Variants in PAX7 observed in about 807,000 individuals in gnomAD.
PAX7 encodes the protein paired box protein Pax-7.
Under a neutral mutation model 50.7 loss-of-function variants are expected in PAX7, and 18 were observed. That is an observed-to-expected ratio of 0.36 (90% CI 0.25 to 0.53). The LOEUF is 0.53. Ranked by LOEUF, PAX7 falls within the 20% of genes least tolerant of loss-of-function variation. PAX7 has a pLI of 0.93. For missense variants in PAX7, 644 were observed against 702.9 expected, an observed-to-expected ratio of 0.92 and a Z score of 0.95; for synonymous variants, 310 against 290.4, an observed-to-expected ratio of 1.07 and a Z score of -0.69.
At chr1:18,689,126 C>T (rs929945950) in intron 4 of PAX7, among the ~76,000 whole-genome samples, 3 of 152,064 alleles carry the variant, frequency 2.0e-5, no homozygotes, top group Admixed American at 2.0e-4. Context: ...GCTCAAGTGT[C>T]CTCACTGGAG....
chr1:18,716,363 A>G (rs967549246), intron 7 of PAX7, among the ~76,000 whole-genome samples: 1 of 152,022 alleles, frequency 6.6e-6, no homozygotes, highest in Non-Finnish European at 1.5e-5. Context: ...GAGGGTGGAC[A>G]GCCTCCCCCA....
At chr1:18,679,387 C>T (rs2088866381) in intron 4 of PAX7, among the ~76,000 whole-genome samples, 1 of 152,236 alleles carries the variant, frequency 6.6e-6, no homozygotes, top group African/African-American at 2.4e-5. Flanking sequence ...GGCTTGGCCT[C>T]TCAGGCATAT....
Position 18,746,255 on chromosome 1 carries a change from C to G in PAX7, c.*1326C>G, listed in dbSNP as rs1931433797. ...GGCCAAGAGGTCCCTGCCTCCTGAT[C>G]CGGCACAGCTGAGCTGAGGCAGATG... is the stretch of plus-strand genomic sequence containing the variant. On this transcript the variant is annotated 3_prime_UTR_variant, in exon 9 of 9. Transcript: ENST00000420770. The G allele has an allele frequency of 4.3e-6, 1 of 230,404 alleles. No individual in the cohort carries two copies. The highest frequency in any genetic ancestry group is 5.7e-5 in the Admixed American group (1 of 17,678). The allele number at this position is 230,404 out of a possible 1,614,324, so 14.3% of individuals were successfully genotyped here. A position where few individuals can be genotyped will look rare whatever the true frequency, so the allele number is the denominator to read the frequency against.
intron 4 of PAX7, among the ~76,000 whole-genome samples, chr1:18,673,493 A>G (rs1401076281): frequency 6.6e-6 from 1 of 152,202 alleles, no homozygotes; most frequent in East Asian, 1.9e-4. Context: ...AATGTAACTA[A>G]CCTATGGTTG....
chr1:18,665,968 G>A (rs1460111385), intron 4 of PAX7, among the ~76,000 whole-genome samples: 4 of 152,032 alleles, frequency 2.6e-5, no homozygotes, highest in South Asian at 2.1e-4. Flanking sequence ...CACCATGCCC[G>A]GCTGGGGTGG....
At chr1:18,717,635 C>T (rs1345960190) in intron 7 of PAX7, among the ~76,000 whole-genome samples, 1 of 152,144 alleles carries the variant, frequency 6.6e-6, no homozygotes, top group Non-Finnish European at 1.5e-5. Context: ...TTTTTGGATA[C>T]CGCTCTCTCC....
At chr1:18,729,849 T>TG (rs1293719118) in intron 7 of PAX7, among the ~76,000 whole-genome samples, 1 of 152,190 alleles carries the variant, frequency 6.6e-6, no homozygotes, top group Admixed American at 6.5e-5. Flanking sequence ...CCCCAGCTTC[T>TG]GCGTGGGGAC....
intron 4 of PAX7, among the ~76,000 whole-genome samples, chr1:18,666,253 T>A (rs1477954745): frequency 1.3e-5 from 2 of 152,196 alleles, no homozygotes; most frequent in Non-Finnish European, 2.9e-5. Flanking sequence ...TCATTTAATT[T>A]AGAGGGGAAA....
intron 5 of PAX7, among the ~76,000 whole-genome samples, chr1:18,698,977 T>A (rs2089182438): frequency 6.6e-6 from 1 of 152,112 alleles, no homozygotes; most frequent in Admixed American, 6.5e-5. Flanking sequence ...TCTTGGGTGA[T>A]CAGGTGCCAG....
intron 4 of PAX7, among the ~76,000 whole-genome samples, chr1:18,676,829 C>T (rs1335944708): frequency 6.6e-6 from 1 of 152,216 alleles, no homozygotes; most frequent in Non-Finnish European, 1.5e-5. Flanking sequence ...CTGTCCTGAA[C>T]CCTGAAGGTG....
Position 18,744,744 on chromosome 1 carries a change from G to A in PAX7, c.1403-70G>A, listed in dbSNP as rs1931354429. On this transcript the variant is annotated intron_variant, in intron 8 of 8. Transcript: ENST00000420770. ...TGGATGGATGGATGGATGGATGGGTGTAGATAGAGTGAATGGAAGAATAAA... is the reference window on the plus strand; with the variant it reads ...TGGATGGATGGATGGATGGATGGGTATAGATAGAGTGAATGGAAGAATAAA... 6.1e-6 allele frequency: 5 copies of A among 821,012 alleles called. No homozygotes were observed. In the South Asian group the frequency reaches 7.2e-5, roughly 12 times the overall value. The allele number at this position is 821,012 out of a possible 1,614,324, so 50.9% of individuals were successfully genotyped here. A position where few individuals can be genotyped will look rare whatever the true frequency, so the allele number is the denominator to read the frequency against.
intron 4 of PAX7, among the ~76,000 whole-genome samples, chr1:18,679,490 C>T (rs776845094): frequency 4.6e-4 from 70 of 152,286 alleles, no homozygotes; most frequent in Non-Finnish European, 9.3e-4. Flanking sequence ...CACTGGAGCC[C>T]CAGCTGCTGC....
chr1:18,680,198 A>C (rs2088876958), intron 4 of PAX7, among the ~76,000 whole-genome samples: 1 of 152,134 alleles, frequency 6.6e-6, no homozygotes, highest in African/African-American at 2.4e-5. Context: ...CCACCCCTGG[A>C]GCTGCATCAG....
At position 18,680,588 on chromosome 1, in the gene PAX7, G is replaced by A. The variant is rs2841092; in HGVS notation, c.587-11166G>A. ...TTATGGCTGGTAGGAGGCAGATTCC[G>A]AACTCAAACCCAGGTCCGTCTGACC... is the stretch of plus-strand genomic sequence containing the variant. On this transcript the variant is annotated intron_variant, in intron 4 of 8. Coordinates refer to ENST00000420770, the MANE Select transcript of PAX7 (RefSeq NM_001135254.2). Among the ~76,000 whole-genome samples the A allele has an allele frequency of 5.8e-3, 878 of 152,234 alleles. 7 individuals are homozygous for A. Among genetic ancestry groups the A allele is most frequent in the African/African-American group, 0.019 (770 of 41,548 alleles).
chr1:18,698,853 G>A (rs1256158518), intron 5 of PAX7, among the ~76,000 whole-genome samples: 1 of 152,230 alleles, frequency 6.6e-6, no homozygotes, highest in Non-Finnish European at 1.5e-5. Context: ...CAGCCTGCAA[G>A]CTGAACGCTG....
rs995409095 is a variant in PAX7, at chr1:18,680,879, C to T, written c.587-10875C>T. Reference sequence around the variant, plus strand: ...AGGAAGAGTGTAAAAGATTTTGAGCCGGGCGCGGTGGCTCACGCCTGTAAT... The same window carrying T: ...AGGAAGAGTGTAAAAGATTTTGAGCTGGGCGCGGTGGCTCACGCCTGTAAT... On this transcript the variant is annotated intron_variant, in intron 4 of 8. Transcript: ENST00000420770. 2.6e-4 allele frequency among the ~76,000 whole-genome samples: 39 copies of T among 152,078 alleles called. 1 individual carries two copies. Among genetic ancestry groups the T allele is most frequent in the Non-Finnish European group, 2.6e-4 (18 of 68,024 alleles).
intron 4 of PAX7, among the ~76,000 whole-genome samples, chr1:18,670,311 T>C (rs1305931129): frequency 2.6e-5 from 4 of 152,132 alleles, no homozygotes; most frequent in African/African-American, 7.2e-5. Flanking sequence ...TTTGCATGGG[T>C]GTGGCTGAGT....
intron 4 of PAX7, among the ~76,000 whole-genome samples, chr1:18,684,832 G>T (rs928005929): frequency 2.6e-5 from 4 of 152,298 alleles, no homozygotes; most frequent in South Asian, 2.1e-4. Context: ...CAGAAGCAGG[G>T]GTGGGAGGGT....
intron 4 of PAX7, among the ~76,000 whole-genome samples, chr1:18,675,591 C>A (rs796437202): frequency 3.3e-5 from 5 of 152,232 alleles, no homozygotes; most frequent in African/African-American, 1.2e-4. Flanking sequence ...CAGGCTGTCC[C>A]CCCAACCCCA....
Sources: allele counts gnomAD v4.1 joint callset (sites outside exome capture counted in the v4.1 genomes callset), GRCh38; gene constraint gnomAD v4.1.1; transcripts MANE v1.5; gene names NCBI Gene and HGNC (gene_info 2026-07-23, HGNC 2026-07-21).